The following CYRIA variants were observed in gnomAD, a reference collection of about 807,000 sequenced individuals.
The protein encoded by CYRIA is CYFIP-related Rac1 interactor A.
In CYRIA, 15 loss-of-function variants were observed where a neutral mutation model predicts 43.9. The observed-to-expected ratio is 0.34, with a 90% confidence interval of 0.23 to 0.53. CYRIA has a LOEUF of 0.53. Among genes scored for constraint, CYRIA ranks in the 20% least tolerant of loss-of-function variants. The pLI, the probability that CYRIA is intolerant of heterozygous loss-of-function variation, is 0.94. For synonymous variants in CYRIA, 117 were observed against 136.0 expected, an observed-to-expected ratio of 0.86 and a Z score of 0.97; for missense variants, 236 against 394.2, an observed-to-expected ratio of 0.60 and a Z score of 3.40.
intron 1 of CYRIA, among the ~76,000 whole-genome samples, chr2:16,657,775 C>A (rs1204182934): frequency 6.6e-6 from 1 of 152,126 alleles, no homozygotes; most frequent in Non-Finnish European, 1.5e-5. Flanking sequence ...GTGCATAAGC[C>A]ATGTATTACA....
At chr2:16,587,929 C>A in intron 3 of CYRIA, 121 bp downstream of exon 3, 1 of 646,196 alleles carries the variant, frequency 1.5e-6, no homozygotes, top group Non-Finnish European at 2.7e-6. Context: ...TGAGAACAGA[C>A]TAATACAGTG....
chr2:16,619,498 C>T (rs1668925171), intron 2 of CYRIA, among the ~76,000 whole-genome samples: 1 of 152,174 alleles, frequency 6.6e-6, no homozygotes, highest in Admixed American at 6.5e-5. Flanking sequence ...GAAGCAGACT[C>T]AGGTCTCTGT....
rs1666732520 is a variant in CYRIA at position 16,561,526 on chromosome 2, T to G, written c.443A>C (p.Asn148Thr). ...GCTGAAGTCATTCTGAATAGCCGGG[T>G]TCCTCATCTGAAATTCAGAGGACAA... ...TLRFDELKMR[N>T]PAIQNDFSYY... Residue 148 changes from asparagine to threonine, a missense_variant, in exon 7 of 12, where the codon AAC (asparagine) becomes ACC (threonine). Transcript: ENST00000381323. 6.2e-7 allele frequency: 1 copy of G among 1,613,438 alleles called. No individual in the cohort carries two copies. The highest frequency in any genetic ancestry group is 1.3e-5 in the African/African-American group (1 of 74,886).
chr2:16,569,538 C>T (rs185557843), intron 3 of CYRIA, among the ~76,000 whole-genome samples: 15 of 152,284 alleles, frequency 9.9e-5, no homozygotes, highest in Admixed American at 5.2e-4. Context: ...TATAATTAGA[C>T]GGGCAGCACA....
At chr2:16,606,561 A>C (rs1390981794) in intron 2 of CYRIA, among the ~76,000 whole-genome samples, 1 of 149,744 alleles carries the variant, frequency 6.7e-6, no homozygotes, top group East Asian at 1.9e-4. Context: ...AAAAAAAAAA[A>C]CAAAATGAAA....
intron 3 of CYRIA, among the ~76,000 whole-genome samples, chr2:16,573,012 T>G (rs780111594): frequency 1.1e-4 from 17 of 152,182 alleles, no homozygotes; most frequent in Admixed American, 2.6e-4. Context: ...GTCCCTATAT[T>G]TATGTGCTAT....
intron 2 of CYRIA, among the ~76,000 whole-genome samples, chr2:16,609,040 T>C (rs1315758295): frequency 6.6e-6 from 1 of 152,114 alleles, no homozygotes; most frequent in African/African-American, 2.4e-5. Flanking sequence ...TTGTGGGCGA[T>C]GCAGGCGAAG....
intron 2 of CYRIA, among the ~76,000 whole-genome samples, chr2:16,593,046 G>T (rs1347775336): frequency 6.6e-6 from 1 of 152,148 alleles, no homozygotes; most frequent in Non-Finnish European, 1.5e-5. Context: ...AGTATCTCCT[G>T]CATGGAACTC....
intron 2 of CYRIA, among the ~76,000 whole-genome samples, chr2:16,606,116 A>G (rs1668387956): frequency 1.3e-5 from 2 of 152,072 alleles, no homozygotes; most frequent in Admixed American, 1.3e-4. Context: ...CTCCAGGCCC[A>G]TCAATCCAAG....
intron 1 of CYRIA, among the ~76,000 whole-genome samples, chr2:16,645,951 C>A (rs1275474268): frequency 1.3e-5 from 2 of 152,134 alleles, no homozygotes; most frequent in Non-Finnish European, 2.9e-5. Context: ...ACGCACACAC[C>A]CACACAAGTC....
At chr2:16,662,656 C>T (rs2103561419) in intron 1 of CYRIA, among the ~76,000 whole-genome samples, 1 of 152,314 alleles carries the variant, frequency 6.6e-6, no homozygotes, top group Non-Finnish European at 1.5e-5. Context: ...TCCTGGCTCC[C>T]TGCCATGCTT....
At chr2:16,640,749 G>A (rs778034072) in intron 1 of CYRIA, among the ~76,000 whole-genome samples, 3 of 152,206 alleles carry the variant, frequency 2.0e-5, no homozygotes, top group Non-Finnish European at 4.4e-5. Flanking sequence ...CACCTTTTTA[G>A]GTGGACACAG....
At chr2:16,647,187 G>A (rs1426870421) in intron 1 of CYRIA, among the ~76,000 whole-genome samples, 1 of 152,148 alleles carries the variant, frequency 6.6e-6, no homozygotes, top group African/African-American at 2.4e-5. Context: ...ACCATATCTG[G>A]TACAATCTTC....
intron 2 of CYRIA, among the ~76,000 whole-genome samples, chr2:16,590,823 AG>A (rs975188261): frequency 1.3e-4 from 20 of 152,288 alleles, no homozygotes; most frequent in African/African-American, 4.3e-4. Context: ...CATGGAACCT[AG>A]AAAACAAGTG....
At position 16,562,121 on chromosome 2, in the gene CYRIA, A is replaced by G. The variant is rs1202417301; in HGVS notation, c.319T>C (p.Leu107=). 6.2e-7 allele frequency: 1 copy of G among 1,612,454 alleles called. No homozygotes were observed. The highest frequency in any genetic ancestry group is 8.5e-7 in the Non-Finnish European group (1 of 1,179,042). ...IRLEKALQSL[L]ESLTCPPYTP... ...TAGGGTGGACAAGTCAGAGATTCCA[A>G]TAAACTCTGAAGAGCTTTTTCTGAA... The change falls in exon 6 of 12, where the codon TTG becomes CTG. Residue 107 remains leucine, a synonymous_variant. Coordinates refer to ENST00000381323, the MANE Select transcript of CYRIA (RefSeq NM_030797.4).
intron 1 of CYRIA, among the ~76,000 whole-genome samples, chr2:16,651,376 C>T (rs1204978362): frequency 6.6e-6 from 1 of 152,168 alleles, no homozygotes; most frequent in African/African-American, 2.4e-5. Flanking sequence ...TTGTAAAGCA[C>T]CGCACTGCAG....
At chr2:16,567,107 G>C (rs984280952) in intron 3 of CYRIA, among the ~76,000 whole-genome samples, 2 of 151,808 alleles carry the variant, frequency 1.3e-5, no homozygotes, top group Non-Finnish European at 2.9e-5. Flanking sequence ...GTTTCTCTGG[G>C]GATAAAAAAA....
chr2:16,569,637 T>A (rs1203011767), intron 3 of CYRIA, among the ~76,000 whole-genome samples: 1 of 152,188 alleles, frequency 6.6e-6, no homozygotes, highest in African/African-American at 2.4e-5. Context: ...GAGTGACAAC[T>A]GGGAGAAGCT....
intron 1 of CYRIA, among the ~76,000 whole-genome samples, chr2:16,661,073 A>G (rs1558446613): frequency 6.6e-6 from 1 of 152,188 alleles, no homozygotes; most frequent in Non-Finnish European, 1.5e-5. Flanking sequence ...GCTTGAGCCC[A>G]GGAGTTCAAG....
Sources: gnomAD v4.1 joint callset for allele counts (sites outside exome capture counted in the v4.1 genomes callset) on GRCh38, gnomAD v4.1.1 for gene constraint, MANE v1.5 for transcripts, NCBI Gene and HGNC (gene_info 2026-07-23, HGNC 2026-07-21) for gene names.